Variants in MRPS11 observed in about 807,000 individuals in gnomAD.
MRPS11 encodes small ribosomal subunit protein uS11m.
In MRPS11, 27 loss-of-function variants were observed where a neutral mutation model predicts 24.3. That is an observed-to-expected ratio of 1.11 (90% confidence interval 0.82 to 1.53). The LOEUF is 1.53. MRPS11 is among the 40% of genes most tolerant of loss of function. MRPS11 has a pLI of 0.00. For synonymous variants in MRPS11, 104 were observed against 98.7 expected, an observed-to-expected ratio of 1.05 and a Z score of -0.32; for missense variants, 277 against 256.5, an observed-to-expected ratio of 1.08 and a Z score of -0.55.
intron 2 of MRPS11, among the ~76,000 whole-genome samples, chr15:88,470,313 AC>A (rs1295014790): frequency 2.0e-5 from 3 of 152,218 alleles, no homozygotes; most frequent in African/African-American, 7.2e-5. Context: ...TCTCAAAAAA[AC>A]AAACAAGCAA....
At chr15:88,468,634 G>A (rs1241712933) in intron 2 of MRPS11, 3 of 423,904 alleles carry the variant, frequency 7.1e-6, no homozygotes, top group Non-Finnish European at 9.5e-6. Flanking sequence ...TTTGAGGGAA[G>A]ACAAACATGC....
chr15:88,467,911 G>A lies in MRPS11; in HGVS notation c.69G>A (p.Arg23=), dbSNP rs748362898. The change falls in exon 2 of 6, where the codon AGG becomes AGA. Residue 23 remains arginine, a synonymous_variant. Coordinates refer to ENST00000325844, the MANE Select transcript of MRPS11 (RefSeq NM_022839.5). ...CTCACCGAGCTTTTCTTCCCAGCAGGGTCGTGGCCAGAACGCCGGCCGGGA... is the reference window on the plus strand; with the variant it reads ...CTCACCGAGCTTTTCTTCCCAGCAGAGTCGTGGCCAGAACGCCGGCCGGGA... ...RSWTWPQTAG[R]VVARTPAGTI... The A allele has an allele frequency of 9.3e-6, 15 of 1,613,632 alleles. No homozygotes were observed. The highest frequency in any genetic ancestry group is 3.3e-4 in the Middle Eastern group (2 of 6,082).
chr15:88,467,842 G>A, intron 1 of MRPS11, 60 bp downstream of exon 1: 1 of 1,613,018 alleles, frequency 6.2e-7, no homozygotes. Context: ...TCCTACTCGT[G>A]TCCCTTGAGC....
rs968282466 is a variant in MRPS11, at chr15:88,480,564, C to G, written c.*2585C>G. 57 of 152,188 alleles carry G rather than the reference C, an allele frequency of 3.7e-4. No homozygotes were observed. The highest frequency in any genetic ancestry group is 1.4e-3 in the African/African-American group (56 of 41,426). The allele number at this position is 152,188 out of a possible 1,614,324, so 9.4% of individuals were successfully genotyped here. A position where few individuals can be genotyped will look rare whatever the true frequency, so the allele number is the denominator to read the frequency against. On this transcript the variant is annotated 3_prime_UTR_variant, in exon 6 of 6. Transcript: ENST00000325844. The surrounding 1 kb of genome is among the most constrained non-coding windows in gnomAD (Gnocchi z 5.1). ...CTTTGGAAAGGAAGATCCTGCCCAG[C>G]AGAGCCTACATGCGCAGACAGGACA...
chr15:88,477,067 G>A lies in MRPS11; in HGVS notation c.477+13G>A. The stretch of plus-strand genomic sequence containing the variant: ...GCCAGGACGCTTGGTAAGTTACAGT[G>A]ATTTCCATAGTGTACTTGCCTCCTA... On this transcript the variant is annotated intron_variant, in intron 5 of 5. Transcript: ENST00000325844. The surrounding 1 kb of genome is among the most constrained non-coding windows in gnomAD (Gnocchi z 5.7). 1 of 1,613,184 alleles carries A rather than the reference G, an allele frequency of 6.2e-7. No individual in the cohort carries two copies. The highest frequency in any genetic ancestry group is 8.5e-7 in the Non-Finnish European group (1 of 1,179,484).
chr15:88,471,083 G>A (rs913734535), intron 2 of MRPS11, among the ~76,000 whole-genome samples: 27 of 152,204 alleles, frequency 1.8e-4, no homozygotes, highest in Non-Finnish European at 3.1e-4. Context: ...AGTAGTGGGA[G>A]CTGGGAGAAA....
chr15:88,476,713 G>A, intron 4 of MRPS11: 2 of 356,688 alleles, frequency 5.6e-6, no homozygotes. Context: ...TTGCCCCCCT[G>A]AGAAAAACCT....
intron 2 of MRPS11, 121 bp from the exon 3 acceptor site, chr15:88,472,506 G>T: frequency 1.4e-6 from 1 of 725,190 alleles, no homozygotes; most frequent in Admixed American, 2.5e-5. Context: ...AGGAATGGTG[G>T]GGGCAGCCAC....
chr15:88,472,404 A>C (rs958352245), intron 2 of MRPS11: 9 of 447,768 alleles, frequency 2.0e-5, no homozygotes, highest in Non-Finnish European at 3.2e-5. Context: ...CATAGCGGAA[A>C]GTCCCCAGAT....
chr15:88,470,380 T>G (rs1264002632), intron 2 of MRPS11, among the ~76,000 whole-genome samples: 1 of 152,134 alleles, frequency 6.6e-6, no homozygotes, highest in Non-Finnish European at 1.5e-5. Flanking sequence ...GATATACAGT[T>G]GGGAGACATC....
Position 88,477,050 on chromosome 15 carries a change from G to A in MRPS11, c.473G>A (p.Arg158His), listed in dbSNP as rs750394239. ...GTGGTGAAAGGCCTGGGGCCAGGAC[G>A]CTTGGTAAGTTACAGTGATTTCCAT... ...RVVVKGLGPGRLSAMHGLIMG... is the reference protein window; with the variant it reads ...RVVVKGLGPGHLSAMHGLIMG... Residue 158 changes from arginine to histidine, a missense_variant, in exon 5 of 6, where the codon CGC becomes CAC. Transcript: ENST00000325844. The surrounding 1 kb of genome is among the most constrained non-coding windows in gnomAD (Gnocchi z 5.7). 9.9e-6 allele frequency: 16 copies of A among 1,613,790 alleles called. No individual in the cohort carries two copies. The highest frequency in any genetic ancestry group is 1.2e-5 in the Non-Finnish European group (14 of 1,179,942).
chr15:88,475,005 GAATTCC>G lies in MRPS11; in HGVS notation c.282-104_282-99del. The G allele has an allele frequency of 3.0e-6, 4 of 1,350,448 alleles. No individual in the cohort carries two copies. The South Asian group carries it at 5.8e-5, about 20-fold the overall frequency. The allele number at this position is 1,350,448 out of a possible 1,614,324, so 83.7% of individuals were successfully genotyped here. On this transcript the variant is annotated intron_variant, in intron 3 of 5. Transcript: ENST00000325844. This position sits in a 1 kb window ranked among gnomAD's most constrained non-coding sequence, Gnocchi z 4.1. ...TGAGAAGCTCAAAGTAGAAGCAACT[GAATTCC>G]TTTTTCTTTCTCACCCAGGCTTCTA...
chr15:88,477,028 G>A lies in MRPS11; in HGVS notation c.451G>A (p.Val151Met), dbSNP rs138464643. 1 of 1,613,996 alleles carries A rather than the reference G, an allele frequency of 6.2e-7. No individual in the cohort carries two copies. The highest frequency in any genetic ancestry group is 8.5e-7 in the Non-Finnish European group (1 of 1,180,012). Residue 151 changes from valine (V) to methionine (M), a missense_variant, in exon 5 of 6, where the codon GTG becomes ATG. Coordinates refer to ENST00000325844, the MANE Select transcript of MRPS11 (RefSeq NM_022839.5). This position sits in a 1 kb window ranked among gnomAD's most constrained non-coding sequence, Gnocchi z 5.7. ...QKGVIHIRVV[V>M]KGLGPGRLSA... The stretch of plus-strand genomic sequence containing the variant: ...GGGCGTGATCCACATCCGAGTTGTG[G>A]TGAAAGGCCTGGGGCCAGGACGCTT...
Position 88,475,139 on chromosome 15 carries a change from A to T in MRPS11, c.311A>T (p.Asn104Ile), listed in dbSNP as rs2055793883. ...CAGATCCAGGTAGTCTCTGCTAGTA[A>T]TGAGCCCCTTGCCTTTGCTTCCTGT... ...NTQIQVVSAS[N>I]EPLAFASCGT... Residue 104 changes from asparagine (N) to isoleucine (I), a missense_variant, in exon 4 of 6, where the codon AAT becomes ATT. Coordinates refer to ENST00000325844, the MANE Select transcript of MRPS11 (RefSeq NM_022839.5). This position sits in a 1 kb window ranked among gnomAD's most constrained non-coding sequence, Gnocchi z 4.1. 1.6e-5 allele frequency: 26 copies of T among 1,614,084 alleles called. No individual in the cohort carries two copies. The highest frequency in any genetic ancestry group is 2.0e-5 in the Non-Finnish European group (24 of 1,180,042).
intron 4 of MRPS11, 89 bp from the exon 5 acceptor site, chr15:88,476,900 C>T (rs1245261845): frequency 3.7e-6 from 5 of 1,358,328 alleles, no homozygotes; most frequent in Non-Finnish European, 5.2e-6. Flanking sequence ...TCCCTGAGCT[C>T]ACACACCCCT....
At chr15:88,467,846 C>G in intron 1 of MRPS11, 62 bp from the exon 2 acceptor site, 2 of 1,612,974 alleles carry the variant, frequency 1.2e-6, no homozygotes, top group Non-Finnish European at 1.7e-6. Context: ...ACTCGTGTCC[C>G]TTGAGCCACC....
In MRPS11 at chr15:88,475,198, A is replaced by ACAGGCATCGCAGCACAGACAG; in HGVS notation, c.378_398dup (p.Gln129_Ala135dup). The ACAGGCATCGCAGCACAGACAG allele has an allele frequency of 6.2e-7, 1 of 1,614,252 alleles. No individual in the cohort carries two copies. Among genetic ancestry groups the ACAGGCATCGCAGCACAGACAG allele is most frequent in the Non-Finnish European group, 8.5e-7 (1 of 1,180,046 alleles). On this transcript the variant is annotated inframe_insertion, in exon 4 of 6. Transcript: ENST00000325844. The surrounding 1 kb of genome is among the most constrained non-coding windows in gnomAD (Gnocchi z 4.1). ...GGGATTTCGGAATGCCAAGAAGGGCACAGGCATCGCAGCACAGACAGCAGG... is the reference window on the plus strand; with the variant it reads ...GGGATTTCGGAATGCCAAGAAGGGCACAGGCATCGCAGCACAGACAGCAGGCATCGCAGCACAGACAGCAGG...
Position 88,475,293 on chromosome 15 carries a change from C to T in MRPS11, c.411+54C>T, listed in dbSNP as rs770779321. 4.4e-5 allele frequency: 71 copies of T among 1,608,222 alleles called. No individual in the cohort carries two copies. The highest frequency in any genetic ancestry group is 5.9e-5 in the Non-Finnish European group (70 of 1,177,474). ...TAGTGTGTGTTTGCTTTCTGCATGG[C>T]TCATCACTGAGTGGAGAATCCTCAT... is the stretch of plus-strand genomic sequence containing the variant. On this transcript the variant is annotated intron_variant, in intron 4 of 5. Transcript: ENST00000325844. This position sits in a 1 kb window ranked among gnomAD's most constrained non-coding sequence, Gnocchi z 4.1.
chr15:88,471,302 G>C (rs955511524), intron 2 of MRPS11, among the ~76,000 whole-genome samples: 1 of 152,214 alleles, frequency 6.6e-6, no homozygotes, highest in Non-Finnish European at 1.5e-5. Context: ...TGTAAACTTT[G>C]AATACCAATG....
Sources: gnomAD v4.1 joint callset for allele counts (sites outside exome capture counted in the v4.1 genomes callset) on GRCh38, gnomAD v4.1.1 for gene constraint, Gnocchi (gnomAD v3.1) non-coding constraint, MANE v1.5 for transcripts, NCBI Gene and HGNC (gene_info 2026-07-23, HGNC 2026-07-21) for gene names.